The following GAPVD1 variants were observed in gnomAD, a reference collection of about 807,000 sequenced individuals.
The protein encoded by GAPVD1 is GTPase activating protein and VPS9 domains 1, also known as GTPase-activating protein and VPS9 domain-containing protein 1.
In GAPVD1, 35 loss-of-function variants were observed where a neutral mutation model predicts 155.5. The ratio of observed to expected loss-of-function variants is 0.23; its 90% CI spans 0.17 to 0.30. The LOEUF is 0.30. Ranked by LOEUF, GAPVD1 falls within the 10% of genes least tolerant of loss-of-function variation. The pLI is 1.00. For synonymous variants in GAPVD1, 636 were observed against 619.7 expected (o/e 1.03, Z -0.39); for missense variants, 1,429 against 1,775.7 (o/e 0.80, Z 3.51).
chr9:125,288,741 C>T (rs570111734), intron 2 of GAPVD1, among the ~76,000 whole-genome samples: 1 of 152,248 alleles, frequency 6.6e-6, no homozygotes, highest in Admixed American at 6.5e-5. Flanking sequence ...CTCTTATGGT[C>T]AGTGATGACT....
Position 125,356,648 on chromosome 9 carries a change from C to G in GAPVD1, c.3971+791C>G, listed in dbSNP as rs542819035. ...TCCCAAATTGCTGGTACTATAGGTG[C>G]ACACCATGACACCTGGCTGATTTTG... On this transcript the variant is annotated intron_variant, in intron 25 of 27. Coordinates refer to ENST00000297933, the MANE Select transcript of GAPVD1 (RefSeq NM_001282680.3). 4.6e-5 allele frequency among the ~76,000 whole-genome samples: 7 copies of G among 152,128 alleles called. No individual in the cohort carries two copies. The South Asian group carries it at 1.5e-3, about 32-fold the overall frequency.
rs556940796 is a variant in GAPVD1 at position 125,301,522 on chromosome 9, C to T, written c.186-461C>T. ...GGAGTGCGGTGGCATGATTGCAGCTCACTGCAACCTCTACCTTCTGGGTTC... is the reference window on the plus strand; with the variant it reads ...GGAGTGCGGTGGCATGATTGCAGCTTACTGCAACCTCTACCTTCTGGGTTC... On this transcript the variant is annotated intron_variant, in intron 4 of 27. Coordinates refer to ENST00000297933, the MANE Select transcript of GAPVD1 (RefSeq NM_001282680.3). Among the ~76,000 whole-genome samples the T allele has an allele frequency of 7.4e-4, 112 of 151,874 alleles. 1 individual carries two copies. Among genetic ancestry groups the T allele is most frequent in the African/African-American group, 2.5e-3 (104 of 41,392 alleles).
rs1394942228 is a variant in GAPVD1, at chr9:125,355,710, A to G, written c.3824A>G (p.Tyr1275Cys). 1 of 1,613,730 alleles carries G rather than the reference A, an allele frequency of 6.2e-7. No homozygotes were observed. Among genetic ancestry groups the G allele is most frequent in the Non-Finnish European group, 8.5e-7 (1 of 1,179,596 alleles). ...GTAGAAGATTTTCTGCAGTTTCTTT[A>G]TGGTGCAATGGCCCAGGATGTCATA... ...AQVEDFLQFL[Y>C]GAMAQDVIWQ... The change falls in exon 25 of 28, where the codon TAT becomes TGT. Residue 1275 changes from tyrosine to cysteine, a missense_variant. Physicochemically the swap from Tyr to Cys is radical, Grantham distance 194. Around this residue, in one of 4 missense-constraint regions of GAPVD1, gnomAD observed 699 missense variants for 826.0 expected, o/e 0.85. Transcript: ENST00000297933.
In GAPVD1 at chr9:125,284,123, G is replaced by A. The variant is rs916693115; in HGVS notation, c.-149-11335G>A. ...ACTCCTGACCTCAAGTGATCCACCC[G>A]CCTTGGCCTCCCAAAGTGCTGGGAT... On this transcript the variant is annotated intron_variant, in intron 2 of 27. Coordinates refer to ENST00000297933, the MANE Select transcript of GAPVD1 (RefSeq NM_001282680.3). 5.4e-5 allele frequency among the ~76,000 whole-genome samples: 8 copies of A among 148,498 alleles called. No homozygotes were observed. The South Asian group carries it at 1.1e-3, about 20-fold the overall frequency.
intron 21 of GAPVD1, among the ~76,000 whole-genome samples, chr9:125,349,974 C>T (rs761730300): frequency 1.1e-4 from 16 of 152,130 alleles, no homozygotes; most frequent in Non-Finnish European, 1.8e-4. Flanking sequence ...TTCTGACTTC[C>T]GTGGTCCCTC....
At chr9:125,276,330 T>A (rs1199284306) in intron 2 of GAPVD1, among the ~76,000 whole-genome samples, 6 of 152,206 alleles carry the variant, frequency 3.9e-5, no homozygotes, top group African/African-American at 1.4e-4. Flanking sequence ...TAATACTGAC[T>A]AAAGATACTA....
intron 1 of GAPVD1, among the ~76,000 whole-genome samples, chr9:125,265,390 C>G (rs994136360): frequency 1.3e-5 from 2 of 151,748 alleles, no homozygotes; most frequent in Non-Finnish European, 2.9e-5. Context: ...AGGTCGGCAC[C>G]ACCACACCTG....
intron 27 of GAPVD1, among the ~76,000 whole-genome samples, chr9:125,360,944 C>T (rs1850816960): frequency 6.6e-6 from 1 of 152,210 alleles, no homozygotes; most frequent in Non-Finnish European, 1.5e-5. Flanking sequence ...CCACTGCAAC[C>T]TCCATCTCCT....
At chr9:125,359,705 A>G in intron 26 of GAPVD1, 5 of 499,042 alleles carry the variant, frequency 1.0e-5, no homozygotes, top group Admixed American at 3.6e-5. Context: ...AGTTGTGAGG[A>G]GCCCTTCCTT....
chr9:125,285,007 A>G (rs359592), intron 2 of GAPVD1, among the ~76,000 whole-genome samples: 91,367 of 152,074 alleles, frequency 0.6, 29,575 homozygotes, highest in African/African-American at 0.87. Context: ...ACCTTATCGG[A>G]CAGTGCCTCC....
Position 125,276,888 on chromosome 9 carries a change from A to G in GAPVD1, c.-150+7904A>G, listed in dbSNP as rs184260465. Among the ~76,000 whole-genome samples the G allele has an allele frequency of 2.0e-3, 301 of 152,182 alleles. 1 individual carries two copies. The highest frequency in any genetic ancestry group is 3.5e-3 in the Non-Finnish European group (235 of 68,012). Reference sequence around the variant, plus strand: ...GTGTTCTCATATCAGCCTCCTGAGAACCTAGGACTACAGGTGCATGCCACC... The same window carrying G: ...GTGTTCTCATATCAGCCTCCTGAGAGCCTAGGACTACAGGTGCATGCCACC... On this transcript the variant is annotated intron_variant, in intron 2 of 27. Coordinates refer to ENST00000297933, the MANE Select transcript of GAPVD1 (RefSeq NM_001282680.3).
At chr9:125,282,988 T>C (rs1232527943) in intron 2 of GAPVD1, among the ~76,000 whole-genome samples, 2 of 151,952 alleles carry the variant, frequency 1.3e-5, no homozygotes, top group African/African-American at 4.8e-5. Flanking sequence ...GATTCATTTG[T>C]TTACCTGAAT....
chr9:125,279,232 CAT>C (rs1385276789), intron 2 of GAPVD1, among the ~76,000 whole-genome samples: 1 of 150,380 alleles, frequency 6.6e-6, no homozygotes, highest in African/African-American at 2.4e-5. Flanking sequence ...AAAAGACAGT[CAT>C]GTACTCTTTT....
intron 9 of GAPVD1, among the ~76,000 whole-genome samples, chr9:125,316,089 T>A (rs1843382608): frequency 6.6e-6 from 1 of 152,006 alleles, no homozygotes; most frequent in Non-Finnish European, 1.5e-5. Flanking sequence ...GACAGAAAAT[T>A]TAGAGAGATC....
At chr9:125,331,269 C>T (rs1387766414) in intron 13 of GAPVD1, among the ~76,000 whole-genome samples, 6 of 151,746 alleles carry the variant, frequency 4.0e-5, no homozygotes, top group Admixed American at 3.3e-4. Context: ...GGTGCAATCA[C>T]GGCTCAGTGC....
At chr9:125,275,861 A>G (rs1835699415) in intron 2 of GAPVD1, among the ~76,000 whole-genome samples, 1 of 152,238 alleles carries the variant, frequency 6.6e-6, no homozygotes, top group Admixed American at 6.5e-5. Flanking sequence ...TAGTCATGGA[A>G]CATTAGTATT....
At chr9:125,278,387 AGTGG>A (rs1317082307) in intron 2 of GAPVD1, among the ~76,000 whole-genome samples, 2 of 151,974 alleles carry the variant, frequency 1.3e-5, no homozygotes, top group Non-Finnish European at 2.9e-5. Context: ...CGGACGTGGT[AGTGG>A]GTGCTGGTAA....
At chr9:125,285,743 G>A (rs1837585596) in intron 2 of GAPVD1, among the ~76,000 whole-genome samples, 1 of 152,056 alleles carries the variant, frequency 6.6e-6, no homozygotes, top group South Asian at 2.1e-4. Flanking sequence ...TTACAGGTGT[G>A]AGCCACTGCA....
chr9:125,266,021 A>G (rs989236713), intron 1 of GAPVD1, among the ~76,000 whole-genome samples: 2 of 150,668 alleles, frequency 1.3e-5, no homozygotes, highest in African/African-American at 4.9e-5. Context: ...GCTTTTGAAG[A>G]CAGTATTTGC....
Sources: gnomAD v4.1 joint callset for allele counts (sites outside exome capture counted in the v4.1 genomes callset) on GRCh38, gnomAD v4.1.1 for gene constraint, gnomAD v4.1.1 regional missense constraint, MANE v1.5 for transcripts, NCBI Gene and HGNC (gene_info 2026-07-23, HGNC 2026-07-21) for gene names.